Variants in DPYD observed in about 807,000 individuals in gnomAD.
DPYD encodes the protein dihydropyrimidine dehydrogenase [NADP(+)].
In DPYD, 109 loss-of-function variants were observed where a neutral mutation model predicts 116.2. That is an observed-to-expected ratio of 0.94 (90% CI 0.80 to 1.10). The LOEUF is 1.10. DPYD is among the 50% of genes least tolerant of loss of function. DPYD has a pLI of 0.00. For missense variants in DPYD, 1,302 were observed against 1,254.5 expected (o/e 1.04, Z -0.57); for synonymous variants, 440 against 432.0 (o/e 1.02, Z -0.23).
At chr1:97,889,421 A>C (rs1040691034) in intron 1 of DPYD, among the ~76,000 whole-genome samples, 12 of 152,120 alleles carry the variant, frequency 7.9e-5, no homozygotes, top group African/African-American at 2.9e-4. Flanking sequence ...TAAAAGATGG[A>C]AAATGACATA....
At chr1:97,821,927 A>C (rs1011780257) in intron 3 of DPYD, among the ~76,000 whole-genome samples, 1 of 152,032 alleles carries the variant, frequency 6.6e-6, no homozygotes. Context: ...CCATTTTACA[A>C]AAAAGTAAGA....
intron 20 of DPYD, among the ~76,000 whole-genome samples, chr1:97,136,247 G>C (rs1387644337): frequency 6.6e-6 from 1 of 152,164 alleles, no homozygotes; most frequent in East Asian, 1.9e-4. Context: ...CTTTAAAAAT[G>C]CTAGGAATCA....
At chr1:97,499,622 A>G (rs1679463103) in intron 13 of DPYD, among the ~76,000 whole-genome samples, 1 of 151,848 alleles carries the variant, frequency 6.6e-6, no homozygotes, top group East Asian at 1.9e-4. Flanking sequence ...CTTACTTACA[A>G]AAATTACTTA....
intron 3 of DPYD, among the ~76,000 whole-genome samples, chr1:97,815,407 G>A (rs903236333): frequency 6.6e-6 from 1 of 152,168 alleles, no homozygotes; most frequent in Non-Finnish European, 1.5e-5. Flanking sequence ...GAAAAGAGGA[G>A]GACATAGCTG....
intron 18 of DPYD, among the ~76,000 whole-genome samples, chr1:97,249,703 C>A (rs1056164722): frequency 6.6e-6 from 1 of 151,896 alleles, no homozygotes; most frequent in African/African-American, 2.4e-5. Context: ...TATTTTAAAA[C>A]GAACTCATAT....
intron 5 of DPYD, among the ~76,000 whole-genome samples, chr1:97,718,550 G>A (rs1229363726): frequency 2.6e-5 from 4 of 151,846 alleles, no homozygotes; most frequent in Non-Finnish European, 4.4e-5. Flanking sequence ...GTAATTTTAA[G>A]TATAAATTTT....
chr1:97,476,880 C>T (rs1433534918), intron 13 of DPYD, among the ~76,000 whole-genome samples: 1 of 152,170 alleles, frequency 6.6e-6, no homozygotes, highest in African/African-American at 2.4e-5. Flanking sequence ...AATATATACA[C>T]TATGCTGTAT....
chr1:97,817,171 A>G lies in DPYD; in HGVS notation c.233+10943T>C, dbSNP rs367680991. Among the ~76,000 whole-genome samples, 10 of 152,246 alleles carry G rather than the reference A, an allele frequency of 6.6e-5. No individual in the cohort carries two copies. The East Asian group carries it at 9.6e-4, about 15-fold the overall frequency. ...AGATGCCTTTGTACAACATCAGCAC[A>G]ATTGAATAGTTGTGACAGAAATTAT... On this transcript the variant is annotated intron_variant, in intron 3 of 22. Transcript: ENST00000370192.
Position 97,378,950 on chromosome 1 carries a change from C to T in DPYD, c.1974+3443G>A, listed in dbSNP as rs888826899. ...ATGCTTAAATAATTTGGAAAACCCT[C>T]TTTAAGGAAAAAACAATAATCAAAC... is the stretch of plus-strand genomic sequence containing the variant. On this transcript the variant is annotated intron_variant, in intron 15 of 22. Coordinates refer to ENST00000370192, the MANE Select transcript of DPYD (RefSeq NM_000110.4). Among the ~76,000 whole-genome samples, 3 of 152,296 alleles carry T rather than the reference C, an allele frequency of 2.0e-5. No homozygotes were observed. In the South Asian group the frequency reaches 6.2e-4, roughly 32 times the overall value.
chr1:97,118,195 C>G (rs1652131770), intron 20 of DPYD, among the ~76,000 whole-genome samples: 5 of 152,060 alleles, frequency 3.3e-5, no homozygotes. Flanking sequence ...CTTGCTGATG[C>G]AAGGGGGAAG....
intron 1 of DPYD, among the ~76,000 whole-genome samples, chr1:97,892,527 G>A (rs1311358242): frequency 6.6e-6 from 1 of 151,732 alleles, no homozygotes; most frequent in Non-Finnish European, 1.5e-5. Context: ...GCTTTATTTT[G>A]CATCCTAGGT....
chr1:97,227,734 T>C (rs1276687843), intron 19 of DPYD, among the ~76,000 whole-genome samples: 1 of 151,578 alleles, frequency 6.6e-6, no homozygotes, highest in African/African-American at 2.4e-5. Context: ...TAATATGGGA[T>C]AATATGTGAC....
chr1:97,540,451 A>C (rs966837105), intron 12 of DPYD, among the ~76,000 whole-genome samples: 1 of 152,158 alleles, frequency 6.6e-6, no homozygotes, highest in African/African-American at 2.4e-5. Context: ...CAAACACAAC[A>C]GTCAGATGAA....
chr1:97,860,732 C>T (rs1050405646), intron 2 of DPYD, among the ~76,000 whole-genome samples: 2 of 151,676 alleles, frequency 1.3e-5, no homozygotes, highest in African/African-American at 4.8e-5. Context: ...CTATTTCTAA[C>T]CTAAAATACT....
intron 16 of DPYD, among the ~76,000 whole-genome samples, chr1:97,307,229 C>A (rs1667227620): frequency 6.6e-6 from 1 of 151,718 alleles, no homozygotes; most frequent in South Asian, 2.1e-4. Context: ...TTAAAGTATG[C>A]AATAGCAATT....
intron 20 of DPYD, among the ~76,000 whole-genome samples, chr1:97,162,334 T>G (rs914266979): frequency 1.3e-5 from 2 of 152,212 alleles, no homozygotes; most frequent in East Asian, 3.9e-4. Context: ...TATACACCAA[T>G]AACAGACAAA....
intron 8 of DPYD, among the ~76,000 whole-genome samples, chr1:97,677,125 G>T (rs1193300748): frequency 1.3e-5 from 2 of 152,016 alleles, no homozygotes. Context: ...CAGTTAGAAG[G>T]TGTTTCGTGG....
intron 13 of DPYD, among the ~76,000 whole-genome samples, chr1:97,493,451 G>C (rs1679078763): frequency 6.6e-6 from 1 of 152,160 alleles, no homozygotes; most frequent in African/African-American, 2.4e-5. Flanking sequence ...AAGAAGTAAA[G>C]GTGTGAGATC....
At chr1:97,886,280 G>A (rs1672482266) in intron 1 of DPYD, among the ~76,000 whole-genome samples, 2 of 152,028 alleles carry the variant, frequency 1.3e-5, no homozygotes, top group Admixed American at 1.3e-4. Flanking sequence ...CCAGAGAGGG[G>A]TAAGATGCCA....
Sources: allele counts gnomAD v4.1 joint callset (sites outside exome capture counted in the v4.1 genomes callset), GRCh38; gene constraint gnomAD v4.1.1; transcripts MANE v1.5; gene names NCBI Gene and HGNC (gene_info 2026-07-23, HGNC 2026-07-21).